PDE7B: variants seen among roughly 807,000 people sequenced by gnomAD.
PDE7B encodes phosphodiesterase 7B.
A neutral mutation model predicts 56.2 loss-of-function variants in PDE7B; 29 were observed. That is an observed-to-expected ratio of 0.52 (90% confidence interval 0.38 to 0.70). The LOEUF (loss-of-function observed/expected upper bound fraction) is 0.70, where lower values mean the gene tolerates loss of function less well. PDE7B is among the 30% of genes least tolerant of loss of function. PDE7B has a pLI of 0.00. For synonymous variants in PDE7B, 197 were observed against 196.9 expected (o/e 1.00, Z 0.00); for missense variants, 490 against 565.0 (o/e 0.87, Z 1.35).
rs1267472599 is a variant in PDE7B at position 136,192,854 on chromosome 6, T to C, written c.*1014T>C. On this transcript the variant is annotated 3_prime_UTR_variant, in exon 13 of 13. Transcript: ENST00000308191. Reference sequence around the variant, plus strand: ...GAAAGCTGCCCAACTTAAATCCTCATAGATGTCTTTCTCAACTGCCTTCCC... The same window carrying C: ...GAAAGCTGCCCAACTTAAATCCTCACAGATGTCTTTCTCAACTGCCTTCCC... 6.6e-6 allele frequency: 1 copy of C among 152,430 alleles called. No individual in the cohort carries two copies. Among genetic ancestry groups the C allele is most frequent in the Admixed American group, 6.5e-5 (1 of 15,284 alleles). 9.4% of individuals were successfully genotyped at this position (152,430 alleles called of 1,614,324 possible). A position where few individuals can be genotyped will look rare whatever the true frequency, so the allele number is the denominator to read the frequency against.
rs185634663 is a variant in PDE7B at position 136,092,693 on chromosome 6, G to A, written c.83-16038G>A. 2.6e-4 allele frequency among the ~76,000 whole-genome samples: 40 copies of A among 152,214 alleles called. No individual in the cohort carries two copies. The East Asian group carries it at 5.8e-3, about 22-fold the overall frequency. On this transcript the variant is annotated intron_variant, in intron 2 of 12. Transcript: ENST00000308191. ...GGAGAATCGCTTGATCCCAGGAGGCGGAGGTTGCAGTGAGCTGAGATCGTG... is the reference window on the plus strand; with the variant it reads ...GGAGAATCGCTTGATCCCAGGAGGCAGAGGTTGCAGTGAGCTGAGATCGTG...
At chr6:135,964,543 T>C (rs1774960515) in intron 2 of PDE7B, among the ~76,000 whole-genome samples, 1 of 152,214 alleles carries the variant, frequency 6.6e-6, no homozygotes, top group Non-Finnish European at 1.5e-5. Context: ...TATACTAGGA[T>C]TTCTAATGTA....
chr6:136,045,481 G>T (rs1032211152), intron 2 of PDE7B, among the ~76,000 whole-genome samples: 1 of 152,110 alleles, frequency 6.6e-6, no homozygotes, highest in East Asian at 1.9e-4. Context: ...AAACCAAGTC[G>T]CTGTCCTGAG....
chr6:136,133,557 A>G (rs1778156022), intron 3 of PDE7B, among the ~76,000 whole-genome samples: 1 of 152,210 alleles, frequency 6.6e-6, no homozygotes, highest in South Asian at 2.1e-4. Context: ...CATGAGCCAG[A>G]TAATGTACTA....
intron 3 of PDE7B, among the ~76,000 whole-genome samples, chr6:136,147,052 G>A (rs1778424922): frequency 6.6e-6 from 1 of 152,026 alleles, no homozygotes; most frequent in Admixed American, 6.6e-5. Flanking sequence ...TGAGGCGGGA[G>A]GATCGCTTGA....
chr6:135,887,067 G>C (rs745836731), intron 1 of PDE7B, among the ~76,000 whole-genome samples: 4 of 152,134 alleles, frequency 2.6e-5, no homozygotes, highest in Non-Finnish European at 5.9e-5. Context: ...TCTTGCAGGA[G>C]TAAGGTGGTA....
chr6:136,074,378 T>C (rs2128214370), intron 2 of PDE7B, among the ~76,000 whole-genome samples: 1 of 152,296 alleles, frequency 6.6e-6, no homozygotes, highest in Middle Eastern at 3.4e-3. Context: ...CATAATCGCA[T>C]CAAGGTAAAT....
intron 2 of PDE7B, among the ~76,000 whole-genome samples, chr6:135,991,520 A>G (rs1775479020): frequency 6.6e-6 from 1 of 152,150 alleles, no homozygotes; most frequent in Non-Finnish European, 1.5e-5. Flanking sequence ...ATACCAGCAA[A>G]TTGTTCTCAA....
At position 135,931,708 on chromosome 6, in the gene PDE7B, C is replaced by T. The variant is rs181595086; in HGVS notation, c.22-15756C>T. On this transcript the variant is annotated intron_variant, in intron 1 of 12. Coordinates refer to ENST00000308191, the MANE Select transcript of PDE7B (RefSeq NM_018945.4). ...ATTTTTCAACATGAAGAACATAATT[C>T]CACAATGATAGCACGGTGCACAATA... is the stretch of plus-strand genomic sequence containing the variant. Among the ~76,000 whole-genome samples, 276 of 152,180 alleles carry T rather than the reference C, an allele frequency of 1.8e-3. 1 individual carries two copies. Among genetic ancestry groups the T allele is most frequent in the South Asian group, 7.3e-3 (35 of 4,802 alleles).
chr6:135,894,376 C>A (rs1458663444), intron 1 of PDE7B, among the ~76,000 whole-genome samples: 1 of 152,076 alleles, frequency 6.6e-6, no homozygotes, highest in Non-Finnish European at 1.5e-5. Context: ...TTAACTCCCG[C>A]CTTCAAGTGA....
intron 10 of PDE7B, among the ~76,000 whole-genome samples, chr6:136,180,796 T>C (rs2128451207): frequency 6.6e-6 from 1 of 152,320 alleles, no homozygotes; most frequent in South Asian, 2.1e-4. Flanking sequence ...CAGACATAAA[T>C]GCCAACACAC....
At chr6:136,020,504 A>G (rs980387745) in intron 2 of PDE7B, among the ~76,000 whole-genome samples, 8 of 152,190 alleles carry the variant, frequency 5.3e-5, no homozygotes, top group Non-Finnish European at 8.8e-5. Context: ...ATATATTCTT[A>G]TGGATCTCCT....
chr6:136,083,811 C>T (rs1777244473), intron 2 of PDE7B, among the ~76,000 whole-genome samples: 2 of 152,066 alleles, frequency 1.3e-5, no homozygotes, highest in African/African-American at 2.4e-5. Flanking sequence ...TTCTTCCCCT[C>T]TCTCTCTCTC....
chr6:136,151,919 G>A (rs1320148560), intron 6 of PDE7B, among the ~76,000 whole-genome samples: 3 of 151,962 alleles, frequency 2.0e-5, no homozygotes, highest in East Asian at 1.9e-4. Flanking sequence ...CAGCCTGGGC[G>A]ACAGTGCAAG....
chr6:136,064,873 A>G (rs145176565), intron 2 of PDE7B, among the ~76,000 whole-genome samples: 312 of 152,330 alleles, frequency 2.0e-3, no homozygotes, highest in Non-Finnish European at 3.5e-3. Context: ...AAGCCCCCCA[A>G]GAGCAGAAAC....
At chr6:135,992,335 G>T (rs943448773) in intron 2 of PDE7B, among the ~76,000 whole-genome samples, 8 of 152,128 alleles carry the variant, frequency 5.3e-5, no homozygotes, top group African/African-American at 1.7e-4. Flanking sequence ...GGACTAGCTT[G>T]TTCTAGATAT....
At position 136,149,151 on chromosome 6, in the gene PDE7B, G is replaced by T; in HGVS notation, c.382+1G>T. ...TTCTTGTTTGATCGCTTGACAAATG[G>T]TAAGTTACCCAAAAGAATTCTCACT... On this transcript the variant is annotated splice_donor_variant, in intron 5 of 12. Transcript: ENST00000308191. LOFTEE classifies it high-confidence loss of function. 6.3e-7 allele frequency: 1 copy of T among 1,595,696 alleles called. No individual in the cohort carries two copies. The highest frequency in any genetic ancestry group is 8.6e-7 in the Non-Finnish European group (1 of 1,163,258).
At chr6:135,906,190 T>C (rs1233989177) in intron 1 of PDE7B, among the ~76,000 whole-genome samples, 4 of 152,164 alleles carry the variant, frequency 2.6e-5, no homozygotes, top group Non-Finnish European at 5.9e-5. Context: ...ATAAGGCCCA[T>C]GTTAGGACAG....
chr6:135,974,369 C>T (rs556681474), intron 2 of PDE7B, among the ~76,000 whole-genome samples: 4 of 152,118 alleles, frequency 2.6e-5, no homozygotes, highest in Admixed American at 2.0e-4. Flanking sequence ...TCAATCCTCT[C>T]TACAAAATAC....
Sources: gnomAD v4.1 joint callset for allele counts (sites outside exome capture counted in the v4.1 genomes callset) on GRCh38, gnomAD v4.1.1 for gene constraint, MANE v1.5 for transcripts, NCBI Gene and HGNC (gene_info 2026-07-23, HGNC 2026-07-21) for gene names.